The following TAS2R1 variants were observed in gnomAD, a reference collection of about 807,000 sequenced individuals.
TAS2R1 encodes the protein taste 2 receptor member 1.
For synonymous variants in TAS2R1, 141 were observed against 134.2 expected (o/e 1.05, Z -0.35); for missense variants, 370 against 353.4 (o/e 1.05, Z -0.38).
At chr5:9,674,828 A>T (rs948799277) in intron 1 of TAS2R1, among the ~76,000 whole-genome samples, 1 of 152,074 alleles carries the variant, frequency 6.6e-6, no homozygotes, top group African/African-American at 2.4e-5. Flanking sequence ...CCTCACTTCT[A>T]TTCAAGATCA....
intron 1 of TAS2R1, among the ~76,000 whole-genome samples, chr5:9,694,807 C>G (rs1441858876): frequency 4.6e-5 from 7 of 152,172 alleles, no homozygotes; most frequent in Non-Finnish European, 1.0e-4. Context: ...TCATTAATAT[C>G]CCATGGGGGT....
chr5:9,744,023 CAT>C, the TAS2R1 span, among the ~76,000 whole-genome samples: 1 of 152,244 alleles, frequency 6.6e-6, no homozygotes, highest in South Asian at 2.1e-4. Context: ...TCCGATCACT[CAT>C]GTTTGGATAC....
At chr5:9,683,891 T>C (rs1741076157) in intron 1 of TAS2R1, among the ~76,000 whole-genome samples, 1 of 152,202 alleles carries the variant, frequency 6.6e-6, no homozygotes, top group Non-Finnish European at 1.5e-5. Context: ...GTTTTGATTC[T>C]TTACTGTCAG....
At chr5:9,775,905 C>A in the TAS2R1 span, among the ~76,000 whole-genome samples, 1 of 152,162 alleles carries the variant, frequency 6.6e-6, no homozygotes, top group Admixed American at 6.5e-5. Flanking sequence ...AGCTGAGCTG[C>A]CTGGAGTTGG....
chr5:9,631,242 C>CCT (rs34570150), upstream of TAS2R1, among the ~76,000 whole-genome samples: 1 of 152,076 alleles, frequency 6.6e-6, no homozygotes, highest in Non-Finnish European at 1.5e-5. Flanking sequence ...AAAACTAAGT[C>CCT]CTCTCTCTCT....
intron 1 of TAS2R1, among the ~76,000 whole-genome samples, chr5:9,693,524 CAAAAAA>C (rs35262775): frequency 1.3e-3 from 44 of 33,022 alleles, no homozygotes; most frequent in African/African-American, 3.3e-3. Flanking sequence ...AACTCCATCT[CAAAAAA>C]AAAAAAAAAA....
At chr5:9,694,819 A>T (rs552109041) in intron 1 of TAS2R1, among the ~76,000 whole-genome samples, 2 of 152,334 alleles carry the variant, frequency 1.3e-5, no homozygotes, top group African/African-American at 4.8e-5. Flanking sequence ...CATGGGGGTC[A>T]TTGCACAGAG....
chr5:9,806,848 A>G, the TAS2R1 span, among the ~76,000 whole-genome samples: 1 of 152,194 alleles, frequency 6.6e-6, no homozygotes, highest in African/African-American at 2.4e-5. Context: ...TTAGGCAAAG[A>G]GTTCATGATC....
the TAS2R1 span, among the ~76,000 whole-genome samples, chr5:9,899,736 C>T: frequency 6.6e-6 from 1 of 152,082 alleles, no homozygotes; most frequent in East Asian, 1.9e-4. Flanking sequence ...GAAAACAGTG[C>T]CCTCTTTAAA....
chr5:9,735,574 G>C, the TAS2R1 span, among the ~76,000 whole-genome samples: 1 of 151,872 alleles, frequency 6.6e-6, no homozygotes, highest in African/African-American at 2.4e-5. Flanking sequence ...TTTAACCTCA[G>C]GTTTATAGAA....
the TAS2R1 span, among the ~76,000 whole-genome samples, chr5:9,833,029 G>A: frequency 6.6e-6 from 1 of 152,176 alleles, no homozygotes; most frequent in Non-Finnish European, 1.5e-5. Flanking sequence ...GAGGCTTTCA[G>A]GACATAGGTA....
chr5:9,791,415 C>T, the TAS2R1 span, among the ~76,000 whole-genome samples: 9 of 152,258 alleles, frequency 5.9e-5, no homozygotes, highest in Admixed American at 3.3e-4. Context: ...ATGCTGAAAC[C>T]GGACCGGGTG....
chr5:9,868,961 A>G, the TAS2R1 span, among the ~76,000 whole-genome samples: 2 of 152,136 alleles, frequency 1.3e-5, no homozygotes. Flanking sequence ...CCTGGACTTT[A>G]TTGTCCATAT....
At chr5:9,730,450 T>C in the TAS2R1 span, among the ~76,000 whole-genome samples, 16 of 152,068 alleles carry the variant, frequency 1.1e-4, no homozygotes, top group Non-Finnish European at 4.4e-5. Context: ...GAGGTGTAGC[T>C]CCAAAGCAGC....
At chr5:9,877,103 T>C in the TAS2R1 span, among the ~76,000 whole-genome samples, 8 of 152,242 alleles carry the variant, frequency 5.3e-5, no homozygotes, top group Non-Finnish European at 1.0e-4. Flanking sequence ...TTCTGATTCG[T>C]GTATGATTAC....
intron 1 of TAS2R1, among the ~76,000 whole-genome samples, chr5:9,666,705 A>G (rs987496442): frequency 1.7e-4 from 26 of 152,214 alleles, no homozygotes; most frequent in African/African-American, 6.3e-4. Flanking sequence ...GAAAGAAAAG[A>G]AAGAAGAAAA....
chr5:9,722,901 A>C, the TAS2R1 span, among the ~76,000 whole-genome samples: 1 of 152,312 alleles, frequency 6.6e-6, no homozygotes, highest in East Asian at 1.9e-4. Context: ...CTTACATGGA[A>C]GTGGTCATTT....
chr5:9,690,526 T>G (rs1051230878), intron 1 of TAS2R1, among the ~76,000 whole-genome samples: 1 of 152,154 alleles, frequency 6.6e-6, no homozygotes, highest in Admixed American at 6.5e-5. Flanking sequence ...CGCAACTCAG[T>G]TTATGGAAAA....
intron 2 of TAS2R1, among the ~76,000 whole-genome samples, chr5:9,640,507 A>AAAAC (rs1740055689): frequency 1.3e-5 from 2 of 148,842 alleles, no homozygotes; most frequent in African/African-American, 5.0e-5. Flanking sequence ...TAAAAAAAAA[A>AAAAC]AAAAAAAAAA....
Sources: allele counts gnomAD v4.1 joint callset (sites outside exome capture counted in the v4.1 genomes callset), GRCh38; gene constraint gnomAD v4.1.1; transcripts MANE v1.5; gene names NCBI Gene and HGNC (gene_info 2026-07-23, HGNC 2026-07-21).